Variants in TXLNB observed in about 807,000 individuals in gnomAD.
TXLNB encodes the protein taxilin beta.
TXLNB carries 37 observed loss-of-function variants against 57.4 expected under a neutral mutation model. That is an observed-to-expected ratio of 0.64 (90% CI 0.50 to 0.85). TXLNB has a LOEUF of 0.85. TXLNB is among the 40% of genes least tolerant of loss of function. The pLI, the probability that TXLNB is intolerant of heterozygous loss-of-function variation, is 0.00. For missense variants in TXLNB, 848 were observed against 825.6 expected (o/e 1.03, Z -0.33); for synonymous variants, 302 against 309.6 (o/e 0.98, Z 0.26).
At chr6:139,224,311 G>T in the TXLNB span, among the ~76,000 whole-genome samples, 10 of 128,678 alleles carry the variant, frequency 7.8e-5, no homozygotes, top group East Asian at 5.2e-4. Flanking sequence ...TGGGGGGAGG[G>T]GGGGAGGGAT....
At chr6:139,266,979 A>C (rs999576417) in intron 4 of TXLNB, among the ~76,000 whole-genome samples, 1 of 151,582 alleles carries the variant, frequency 6.6e-6, no homozygotes, top group African/African-American at 2.4e-5. Context: ...AAAAAAAAAA[A>C]AACCCACGAA....
At chr6:139,314,875 A>T in the TXLNB span, among the ~76,000 whole-genome samples, 2 of 152,052 alleles carry the variant, frequency 1.3e-5, no homozygotes, top group Admixed American at 6.6e-5. Flanking sequence ...TTGTGGTTTG[A>T]CTCTGAAACG....
At chr6:139,235,329 G>T (rs1411925255), downstream of TXLNB, among the ~76,000 whole-genome samples, 4 of 152,144 alleles carry the variant, frequency 2.6e-5, no homozygotes, top group African/African-American at 9.7e-5. Context: ...ACTTGTTTTT[G>T]ATTTTACAGA....
At chr6:139,296,239 TGTGTGTGC>T (rs1420477325), upstream of TXLNB, among the ~76,000 whole-genome samples, 3 of 152,218 alleles carry the variant, frequency 2.0e-5, no homozygotes, top group East Asian at 5.8e-4. Flanking sequence ...TGGGAGACTG[TGTGTGTGC>T]CTGAAATATC....
chr6:139,280,438 G>A (rs922399443), intron 2 of TXLNB, among the ~76,000 whole-genome samples: 1 of 151,966 alleles, frequency 6.6e-6, no homozygotes, highest in Non-Finnish European at 1.5e-5. Context: ...CCAGAGGTCG[G>A]GAGAACCAGC....
intron 2 of TXLNB, among the ~76,000 whole-genome samples, chr6:139,281,572 G>A (rs1297541806): frequency 1.3e-5 from 1 of 77,956 alleles, no homozygotes; most frequent in Non-Finnish European, 2.1e-5. Context: ...TTTTTGAGAC[G>A]GAGTCTCGCT....
chr6:139,266,934 G>T (rs1776628484), intron 4 of TXLNB, among the ~76,000 whole-genome samples: 1 of 141,086 alleles, frequency 7.1e-6, no homozygotes, highest in East Asian at 2.1e-4. Flanking sequence ...TTAAAAGCCA[G>T]TATAGTGGCA....
intron 3 of TXLNB, among the ~76,000 whole-genome samples, chr6:139,273,071 A>G (rs1043810508): frequency 6.6e-6 from 1 of 152,188 alleles, no homozygotes; most frequent in Non-Finnish European, 1.5e-5. Context: ...AGAAATTTAT[A>G]TATTGTTATT....
the TXLNB span, among the ~76,000 whole-genome samples, chr6:139,307,838 A>G: frequency 2.6e-5 from 4 of 152,220 alleles, no homozygotes; most frequent in Admixed American, 6.5e-5. Flanking sequence ...ATCTGTATAA[A>G]TATCTTAAAA....
chr6:139,190,417 C>A, the TXLNB span, among the ~76,000 whole-genome samples: 5 of 148,838 alleles, frequency 3.4e-5, no homozygotes, highest in Non-Finnish European at 5.9e-5. Flanking sequence ...TCAAGCGATT[C>A]TCCTGCCTCA....
At chr6:139,168,456 T>A in the TXLNB span, among the ~76,000 whole-genome samples, 1 of 151,568 alleles carries the variant, frequency 6.6e-6, no homozygotes, top group Non-Finnish European at 1.5e-5. Context: ...TTTGGCTAGT[T>A]CTCACTCTCC....
the TXLNB span, among the ~76,000 whole-genome samples, chr6:139,307,397 C>T: frequency 1.3e-5 from 2 of 152,158 alleles, no homozygotes; most frequent in Non-Finnish European, 2.9e-5. Context: ...CTATGTTGCT[C>T]ACTCTGGTCT....
chr6:139,174,365 CT>C, the TXLNB span: 1 of 1,606,150 alleles, frequency 6.2e-7, no homozygotes, highest in Admixed American at 1.7e-5. Flanking sequence ...CACTCAGAGC[CT>C]TGTGTCTTCT....
chr6:139,264,667 C>A (rs1776569687), intron 4 of TXLNB, among the ~76,000 whole-genome samples: 1 of 152,174 alleles, frequency 6.6e-6, no homozygotes, highest in Admixed American at 6.5e-5. Context: ...TCAAGTGATT[C>A]TCCTGCCTCA....
chr6:139,246,386 G>C (rs565055389), intron 8 of TXLNB, among the ~76,000 whole-genome samples: 2 of 152,220 alleles, frequency 1.3e-5, no homozygotes, highest in South Asian at 4.2e-4. Context: ...ATTTTAAGAG[G>C]ATGTTTTCTA....
the TXLNB span, among the ~76,000 whole-genome samples, chr6:139,230,484 G>A: frequency 2.6e-5 from 4 of 152,284 alleles, no homozygotes; most frequent in African/African-American, 7.2e-5. Flanking sequence ...CTCCAAGGAC[G>A]TCACCCTAGT....
chr6:139,258,488 A>G (rs1225413267), intron 6 of TXLNB, among the ~76,000 whole-genome samples: 1 of 152,222 alleles, frequency 6.6e-6, no homozygotes, highest in Admixed American at 6.5e-5. Context: ...TGGATTTCAT[A>G]AATTAATCTT....
At chr6:139,230,913 GC>G in the TXLNB span, among the ~76,000 whole-genome samples, 2 of 152,130 alleles carry the variant, frequency 1.3e-5, no homozygotes, top group African/African-American at 4.8e-5. Context: ...TCAGTTCCCA[GC>G]CCCAACACAT....
At chr6:139,180,582 T>C in the TXLNB span, 2 of 152,650 alleles carry the variant, frequency 1.3e-5, no homozygotes, top group African/African-American at 4.8e-5. Context: ...AAAGAAAATA[T>C]AATGGATGGG....
Sources: gnomAD v4.1 joint callset for allele counts (sites outside exome capture counted in the v4.1 genomes callset) on GRCh38, gnomAD v4.1.1 for gene constraint, MANE v1.5 for transcripts, NCBI Gene and HGNC (gene_info 2026-07-23, HGNC 2026-07-21) for gene names.